The following SIRT5 variants were observed in gnomAD, a reference collection of about 807,000 sequenced individuals.
The protein encoded by SIRT5 is sirtuin 5.
In SIRT5, 26 loss-of-function variants were observed where a neutral mutation model predicts 40.0. The observed-to-expected ratio is 0.65, with a 90% CI of 0.48 to 0.90. The LOEUF is 0.90. SIRT5 is among the 40% of genes least tolerant of loss of function. SIRT5 has a pLI of 0.00. For missense variants in SIRT5, 401 were observed against 402.4 expected (o/e 1.00, Z 0.03); for synonymous variants, 146 against 149.1 (o/e 0.98, Z 0.15).
intron 6 of SIRT5, 54 bp from the exon 7 acceptor site, chr6:13,596,909 T>C: frequency 1.4e-6 from 2 of 1,422,070 alleles, no homozygotes; most frequent in Non-Finnish European, 1.9e-6. Context: ...TGTTGTTTCT[T>C]TATTTTTTAT....
intron 9 of SIRT5, chr6:13,604,572 A>G (rs570033999): frequency 5.7e-6 from 9 of 1,580,808 alleles, no homozygotes; most frequent in East Asian, 2.3e-5. Flanking sequence ...AAAAGAAGAA[A>G]ATAAAACTGG....
At chr6:13,596,920 T>A in intron 6 of SIRT5, 43 bp from the exon 7 acceptor site, 2 of 1,480,916 alleles carry the variant, frequency 1.4e-6, no homozygotes, top group South Asian at 2.4e-5. Flanking sequence ...TATTTTTTAT[T>A]ATGCCAATAA....
intron 9 of SIRT5, among the ~76,000 whole-genome samples, chr6:13,603,141 G>A (rs897254140): frequency 6.6e-6 from 1 of 151,974 alleles, no homozygotes; most frequent in Non-Finnish European, 1.5e-5. Context: ...GCCGGGCGTG[G>A]TGGTGGGCGT....
At chr6:13,597,384 A>G (rs963345343) in intron 7 of SIRT5, among the ~76,000 whole-genome samples, 1 of 151,120 alleles carries the variant, frequency 6.6e-6, no homozygotes, top group African/African-American at 2.4e-5. Flanking sequence ...GAGGCAATGA[A>G]AGGACCTGAA....
intron 9 of SIRT5, among the ~76,000 whole-genome samples, chr6:13,608,202 CTT>C (rs1298432227): frequency 6.6e-6 from 1 of 152,212 alleles, no homozygotes; most frequent in Non-Finnish European, 1.5e-5. Flanking sequence ...CAATTGGAAA[CTT>C]TGCATTTTTT....
At position 13,607,747 on chromosome 6, in the gene SIRT5, C is replaced by T. The variant is rs925417494; in HGVS notation, c.858-4043C>T. Among the ~76,000 whole-genome samples the T allele has an allele frequency of 1.3e-5, 2 of 151,976 alleles. No homozygotes were observed. Among genetic ancestry groups the T allele is most frequent in the African/African-American group, 4.8e-5 (2 of 41,352 alleles). On this transcript the variant is annotated intron_variant, in intron 9 of 9. Transcript: ENST00000606117. The surrounding 1 kb of genome is among the most constrained non-coding windows in gnomAD (Gnocchi z 4.0). The stretch of plus-strand genomic sequence containing the variant: ...GATTCCAAGTGCATTGGAAACACTG[C>T]CATTTTATTTATTTATTGATGTTTG...
rs926006909 is a variant in SIRT5, at chr6:13,612,938, G to C, written c.*1073G>C. 2.6e-5 allele frequency: 4 copies of C among 152,194 alleles called. No homozygotes were observed. Among genetic ancestry groups the C allele is most frequent in the African/African-American group, 9.7e-5 (4 of 41,440 alleles). 9.4% of individuals were successfully genotyped at this position (152,194 alleles called of 1,614,324 possible). A position where few individuals can be genotyped will look rare whatever the true frequency, so the allele number is the denominator to read the frequency against. On this transcript the variant is annotated 3_prime_UTR_variant, in exon 10 of 10. Coordinates refer to ENST00000606117, the MANE Select transcript of SIRT5 (RefSeq NM_012241.5). ...TCCCAGATGCTGAACTCTGCTGGGAGTTTTTTCCATGGGACTTTAAAAAAT... is the reference window on the plus strand; with the variant it reads ...TCCCAGATGCTGAACTCTGCTGGGACTTTTTTCCATGGGACTTTAAAAAAT...
rs1487091796 is a variant in SIRT5, at chr6:13,591,662, C to T, written c.250-7C>T. ...TCCCTCACTCCTGCCTCCTCTCCCA[C>T]TCCCAGGACCTGGCGACTCCCCTGG... On this transcript the variant is annotated splice_region_variant and splice_polypyrimidine_tract_variant and intron_variant, in intron 4 of 9. Transcript: ENST00000606117. 6.5e-7 allele frequency: 1 copy of T among 1,538,056 alleles called. No homozygotes were observed. Among genetic ancestry groups the T allele is most frequent in the Non-Finnish European group, 8.8e-7 (1 of 1,135,140 alleles).
At chr6:13,591,031 TTAGTG>T (rs1323417171) in intron 4 of SIRT5, among the ~76,000 whole-genome samples, 1 of 151,546 alleles carries the variant, frequency 6.6e-6, no homozygotes, top group Admixed American at 6.6e-5. Context: ...GTGTGTATCT[TTAGTG>T]TGTGTAGTAT....
At chr6:13,575,709 C>T (rs1225275672) in intron 1 of SIRT5, among the ~76,000 whole-genome samples, 1 of 152,160 alleles carries the variant, frequency 6.6e-6, no homozygotes, top group African/African-American at 2.4e-5. Context: ...TACAATACAT[C>T]ATCAACTATG....
chr6:13,579,569 C>T lies in SIRT5; in HGVS notation c.-76C>T, dbSNP rs934451127. 5 of 152,082 alleles carry T rather than the reference C, an allele frequency of 3.3e-5. No individual in the cohort carries two copies. The highest frequency in any genetic ancestry group is 5.9e-5 in the Non-Finnish European group (4 of 68,016). 9.4% of individuals were successfully genotyped at this position (152,082 alleles called of 1,614,324 possible). On this transcript the variant is annotated 5_prime_UTR_variant, in exon 2 of 10. Coordinates refer to ENST00000606117, the MANE Select transcript of SIRT5 (RefSeq NM_012241.5). Reference sequence around the variant, plus strand: ...AGATTCAAATATATTAGAAAGCAGCCGTGGAGACAACCATCTTCATTTTGG... The same window carrying T: ...AGATTCAAATATATTAGAAAGCAGCTGTGGAGACAACCATCTTCATTTTGG...
At chr6:13,579,207 TA>T (rs1759028769) in intron 1 of SIRT5, among the ~76,000 whole-genome samples, 1 of 152,254 alleles carries the variant, frequency 6.6e-6, no homozygotes, top group South Asian at 2.1e-4. Context: ...AGTAGTATCT[TA>T]AAAGACTATT....
In SIRT5 at chr6:13,592,931, T is replaced by TTTTA. The variant is rs1761121626; in HGVS notation, c.475+1037_475+1038insTTTA. Among the ~76,000 whole-genome samples, 4 of 151,254 alleles carry TTTTA rather than the reference T, an allele frequency of 2.6e-5. No homozygotes were observed. In the South Asian group the frequency reaches 8.3e-4, roughly 32 times the overall value. On this transcript the variant is annotated intron_variant, in intron 5 of 9. Transcript: ENST00000606117. ...TTTAATTTAATTTTTTTTTTTTTTT[T>TTTTA]AGCAATGGGGGTTTCACTCTTGCCC...
chr6:13,596,973 C>T lies in SIRT5; in HGVS notation c.574C>T (p.Pro192Ser). The change falls in exon 7 of 10, where the codon CCT becomes TCT. Residue 192 changes from proline (P) to serine (S), a missense_variant. Physicochemically the swap from Pro to Ser is moderately conservative, Grantham distance 74. Coordinates refer to ENST00000606117, the MANE Select transcript of SIRT5 (RefSeq NM_012241.5). ...TATTATTTACTTCAGTGCTCCAGAA[C>T]CTGGAACTCAAGATGCCAGCATCCC... ...PALSGKGAPE[P>S]GTQDASIPVE... 6.2e-7 allele frequency: 1 copy of T among 1,611,418 alleles called. No homozygotes were observed.
At chr6:13,611,121 T>C (rs1386893388) in intron 9 of SIRT5, among the ~76,000 whole-genome samples, 1 of 150,750 alleles carries the variant, frequency 6.6e-6, no homozygotes, top group Non-Finnish European at 1.5e-5. Flanking sequence ...GCTGAGATCC[T>C]AGTGGTCAGA....
At position 13,611,973 on chromosome 6, in the gene SIRT5, C is replaced by T. The variant is rs199644943; in HGVS notation, c.*108C>T. ...TGAGTACTGAACAATCTAAAAATAGCCTCTGATTCCCTCGCTGGAATCCAA... is the reference window on the plus strand; with the variant it reads ...TGAGTACTGAACAATCTAAAAATAGTCTCTGATTCCCTCGCTGGAATCCAA... On this transcript the variant is annotated 3_prime_UTR_variant, in exon 10 of 10. Transcript: ENST00000606117. The T allele has an allele frequency of 5.7e-5, 56 of 974,996 alleles. No individual in the cohort carries two copies. Among genetic ancestry groups the T allele is most frequent in the Middle Eastern group, 2.4e-4 (1 of 4,160 alleles). The allele number at this position is 974,996 out of a possible 1,614,324, so 60.4% of individuals were successfully genotyped here. A position where few individuals can be genotyped will look rare whatever the true frequency, so the allele number is the denominator to read the frequency against.
intron 9 of SIRT5, among the ~76,000 whole-genome samples, chr6:13,603,926 G>A (rs1339030411): frequency 1.3e-5 from 2 of 152,220 alleles, no homozygotes; most frequent in Admixed American, 6.5e-5. Context: ...GTTATGCTAA[G>A]TGAAAGAAGC....
chr6:13,574,382 A>AGCACTGCTCTCGCGGGACTGCGC (rs1320331048), upstream of SIRT5: 1 of 151,854 alleles, frequency 6.6e-6, no homozygotes, highest in Non-Finnish European at 1.5e-5. Flanking sequence ...GTCCCGACCA[A>AGCACTGCTCTCGCGGGACTGCGC]GCACTGCTCT....
chr6:13,609,457 G>C lies in SIRT5; in HGVS notation c.858-2333G>C, dbSNP rs536308436. ...ACTAGCAGGGCTGTACAATGTAAAGGGGTCAACATCATGTCTGGCTGGCAA... is the reference window on the plus strand; with the variant it reads ...ACTAGCAGGGCTGTACAATGTAAAGCGGTCAACATCATGTCTGGCTGGCAA... On this transcript the variant is annotated intron_variant, in intron 9 of 9. Transcript: ENST00000606117. Among the ~76,000 whole-genome samples, 4 of 152,234 alleles carry C rather than the reference G, an allele frequency of 2.6e-5. No individual in the cohort carries two copies. In the South Asian group the frequency reaches 8.3e-4, roughly 32 times the overall value.
Sources: gnomAD v4.1 joint callset for allele counts (sites outside exome capture counted in the v4.1 genomes callset) on GRCh38, gnomAD v4.1.1 for gene constraint, Gnocchi (gnomAD v3.1) non-coding constraint, MANE v1.5 for transcripts, NCBI Gene and HGNC (gene_info 2026-07-23, HGNC 2026-07-21) for gene names.